The following SFI1 variants were observed in gnomAD, a reference collection of about 807,000 sequenced individuals.
SFI1 encodes the protein protein SFI1 homolog.
In SFI1, 195 loss-of-function variants were observed where a neutral mutation model predicts 207.5. That is an observed-to-expected ratio of 0.94 (90% confidence interval 0.84 to 1.06). The LOEUF is 1.06. SFI1 is among the 50% of genes least tolerant of loss of function. SFI1 has a pLI of 0.00. For missense variants in SFI1, 1,634 were observed against 1,588.0 expected, an observed-to-expected ratio of 1.03 and a Z score of -0.49; for synonymous variants, 630 against 598.9, an observed-to-expected ratio of 1.05 and a Z score of -0.76.
intron 2 of SFI1, among the ~76,000 whole-genome samples, chr22:31,525,069 C>G (rs968784628): frequency 6.6e-6 from 1 of 152,184 alleles, no homozygotes. Context: ...GCTGGGATTA[C>G]AGGCATGAGC....
chr22:31,607,875 T>C, intron 21 of SFI1, 62 bp from the exon 22 acceptor site: 2 of 1,488,952 alleles, frequency 1.3e-6, no homozygotes, highest in Non-Finnish European at 1.9e-6. Flanking sequence ...GTCACAGACC[T>C]GGGGTGGACC....
rs369246845 is a variant in SFI1, at chr22:31,616,783, G to A, written c.3339G>A (p.Pro1113=). The A allele has an allele frequency of 9.8e-5, 157 of 1,596,722 alleles. No individual in the cohort carries two copies. Among genetic ancestry groups the A allele is most frequent in the Middle Eastern group, 3.4e-4 (2 of 5,954 alleles). Reference sequence around the variant, plus strand: ...GGGCTACTCCTAGGGATAAGCCCCCGGTCCCCTCATCCCTGGCCAGTGTCC... The same window carrying A: ...GGGCTACTCCTAGGGATAAGCCCCCAGTCCCCTCATCCCTGGCCAGTGTCC... ...AQRATPRDKP[P]VPSSLASVPD... is the part of the protein sequence containing the mutation. Residue 1113 remains proline, a synonymous_variant, in exon 30 of 33, where the codon CCG becomes CCA. Transcript: ENST00000400288.
At chr22:31,585,842 G>A (rs2064963868) in intron 14 of SFI1, among the ~76,000 whole-genome samples, 1 of 152,196 alleles carries the variant, frequency 6.6e-6, no homozygotes, top group Non-Finnish European at 1.5e-5. Context: ...GATGGCATCT[G>A]CCATTGTGAG....
At chr22:31,590,317 A>C (rs2065680508) in intron 15 of SFI1, among the ~76,000 whole-genome samples, 1 of 152,050 alleles carries the variant, frequency 6.6e-6, no homozygotes, top group African/African-American at 2.4e-5. Context: ...GAAGTCACAG[A>C]ATCAGACTGC....
chr22:31,603,320 C>T (rs937285515), intron 17 of SFI1, among the ~76,000 whole-genome samples: 1 of 152,166 alleles, frequency 6.6e-6, no homozygotes, highest in African/African-American at 2.4e-5. Context: ...ATAGGGACAG[C>T]AGCTGTGGCC....
chr22:31,543,793 A>AG (rs2059819536), intron 4 of SFI1, among the ~76,000 whole-genome samples: 1 of 148,158 alleles, frequency 6.7e-6, no homozygotes, highest in Non-Finnish European at 1.5e-5. Flanking sequence ...CTGGGCGACA[A>AG]AGCGAGACTC....
chr22:31,521,840 T>C (rs953195273), intron 2 of SFI1, among the ~76,000 whole-genome samples: 3 of 152,058 alleles, frequency 2.0e-5, no homozygotes, highest in African/African-American at 4.8e-5. Context: ...CTTGGCTCAC[T>C]GTAACCTCCA....
At position 31,528,677 on chromosome 22, in the gene SFI1, C is replaced by T; in HGVS notation, c.93-13C>T. 2 of 1,609,992 alleles carry T rather than the reference C, an allele frequency of 1.2e-6. No individual in the cohort carries two copies. Among genetic ancestry groups the T allele is most frequent in the East Asian group, 2.2e-5 (1 of 44,836 alleles). On this transcript the variant is annotated splice_polypyrimidine_tract_variant and intron_variant, in intron 2 of 32. Coordinates refer to ENST00000400288, the MANE Select transcript of SFI1 (RefSeq NM_001007467.3). The stretch of plus-strand genomic sequence containing the variant: ...TTTATTCTCTCCTTGCCTCTTTCGT[C>T]CTCAAATTTAAGGTATTTTAAGGAT...
intron 7 of SFI1, 57 bp from the exon 8 acceptor site, chr22:31,561,233 C>G (rs1471571134): frequency 1.3e-6 from 2 of 1,522,004 alleles, no homozygotes; most frequent in Non-Finnish European, 1.8e-6. Flanking sequence ...AACTGCTCCT[C>G]TCTTTCCTGA....
chr22:31,589,983 T>A (rs1293026908), intron 15 of SFI1, among the ~76,000 whole-genome samples: 2 of 151,270 alleles, frequency 1.3e-5, no homozygotes, highest in African/African-American at 4.9e-5. Context: ...GAGTGGGTAG[T>A]GCAATTCCAG....
intron 2 of SFI1, among the ~76,000 whole-genome samples, chr22:31,520,258 C>G (rs1386589870): frequency 6.6e-6 from 1 of 151,570 alleles, no homozygotes; most frequent in East Asian, 1.9e-4. Context: ...AGAGAGTAAA[C>G]TACTAGCTTG....
chr22:31,504,356 T>G (rs1361777899), intron 1 of SFI1, among the ~76,000 whole-genome samples: 1 of 152,220 alleles, frequency 6.6e-6, no homozygotes, highest in Non-Finnish European at 1.5e-5. Context: ...ATCGGTTTGA[T>G]GTAAGTAAGG....
chr22:31,553,451 G>A (rs1330415024), intron 6 of SFI1, among the ~76,000 whole-genome samples: 2 of 151,430 alleles, frequency 1.3e-5, no homozygotes, highest in African/African-American at 2.4e-5. Flanking sequence ...GACCTCCCGG[G>A]TTTAAGTGAT....
intron 4 of SFI1, among the ~76,000 whole-genome samples, chr22:31,546,435 A>G (rs1602472913): frequency 1.3e-5 from 2 of 151,858 alleles, no homozygotes; most frequent in East Asian, 1.9e-4. Context: ...GGTTCAAGCA[A>G]TTCTCCTGCC....
chr22:31,596,624 C>A (rs1809231568), intron 15 of SFI1, among the ~76,000 whole-genome samples: 1 of 151,874 alleles, frequency 6.6e-6, no homozygotes, highest in South Asian at 2.1e-4. Context: ...AACCCCATCT[C>A]TACTAAAAAT....
rs5753727 is a variant in SFI1 at position 31,617,227 on chromosome 22, G to C, written c.3512+149G>C. The stretch of plus-strand genomic sequence containing the variant: ...CATGGAGGGGTGTGGGGAGCCCTCA[G>C]TGTGTGCTGTCCAGAAAGACCCCAT... On this transcript the variant is annotated intron_variant, in intron 31 of 32. Coordinates refer to ENST00000400288, the MANE Select transcript of SFI1 (RefSeq NM_001007467.3). 2.0e-3 allele frequency: 1,486 copies of C among 759,946 alleles called. 29 individuals carry two copies. In the East Asian group the frequency reaches 0.031, roughly 16 times the overall value. 47.1% of individuals were successfully genotyped at this position (759,946 alleles called of 1,614,324 possible). A position where few individuals can be genotyped will look rare whatever the true frequency, so the allele number is the denominator to read the frequency against.
chr22:31,531,172 T>G, intron 4 of SFI1, 43 bp downstream of exon 4: 1 of 1,511,550 alleles, frequency 6.6e-7, no homozygotes, highest in Non-Finnish European at 9.1e-7. Context: ...GAGTTCATTC[T>G]AGGGTTTTCT....
At chr22:31,603,879 C>T in intron 18 of SFI1, 60 bp downstream of exon 18, 1 of 1,486,068 alleles carries the variant, frequency 6.7e-7, no homozygotes, top group South Asian at 1.3e-5. Context: ...GGCTGTGTGT[C>T]AGCAGGACTC....
chr22:31,577,734 A>G (rs898068527), intron 10 of SFI1, among the ~76,000 whole-genome samples: 4 of 152,148 alleles, frequency 2.6e-5, no homozygotes, highest in African/African-American at 9.7e-5. Flanking sequence ...CAGTCTCTTA[A>G]AAAAGAAAAG....
Sources: gnomAD v4.1 joint callset for allele counts (sites outside exome capture counted in the v4.1 genomes callset) on GRCh38, gnomAD v4.1.1 for gene constraint, MANE v1.5 for transcripts, NCBI Gene and HGNC (gene_info 2026-07-23, HGNC 2026-07-21) for gene names.